ANXA10: variants seen among roughly 807,000 people sequenced by gnomAD.
ANXA10 encodes the protein annexin 14.
In ANXA10, 49 loss-of-function variants were observed where a neutral mutation model predicts 53.5. That is an observed-to-expected ratio of 0.92 (90% CI 0.73 to 1.16). The LOEUF (loss-of-function observed/expected upper bound fraction) is 1.16, where lower values mean the gene tolerates loss of function less well. ANXA10 is among the 50% of genes most tolerant of loss of function. The pLI, the probability that ANXA10 is intolerant of heterozygous loss-of-function variation, is 0.00. For synonymous variants in ANXA10, 131 were observed against 128.9 expected, an observed-to-expected ratio of 1.02 and a Z score of -0.11; for missense variants, 393 against 394.4, an observed-to-expected ratio of 1.00 and a Z score of 0.03.
chr4:168,106,424 A>C (rs2149465344), intron 1 of ANXA10, among the ~76,000 whole-genome samples: 1 of 152,260 alleles, frequency 6.6e-6, no homozygotes, highest in African/African-American at 2.4e-5. Flanking sequence ...ATTCTTGAAA[A>C]CAATATAGTG....
At chr4:168,184,525 C>T (rs1732325142) in intron 10 of ANXA10, 34 bp from the exon 11 acceptor site, 1 of 1,611,236 alleles carries the variant, frequency 6.2e-7, no homozygotes, top group Non-Finnish European at 8.5e-7. Context: ...AGGATGCTGT[C>T]TTCTCATTTC....
chr4:168,176,062 C>T (rs1732121659), intron 6 of ANXA10, among the ~76,000 whole-genome samples: 2 of 152,156 alleles, frequency 1.3e-5, no homozygotes, highest in South Asian at 4.1e-4. Context: ...CCATCCTCCT[C>T]CTTTCTTTCC....
intron 2 of ANXA10, 152 bp downstream of exon 2, chr4:168,128,317 TGAG>T (rs1191215246): frequency 1.9e-6 from 1 of 525,458 alleles, no homozygotes; most frequent in Non-Finnish European, 3.3e-6. Flanking sequence ...AGAAGTAGAA[TGAG>T]AAGAAAAATA....
intron 1 of ANXA10, among the ~76,000 whole-genome samples, chr4:168,116,532 A>C (rs1560961876): frequency 6.6e-6 from 1 of 152,172 alleles, no homozygotes; most frequent in African/African-American, 2.4e-5. Context: ...AGAATAACTA[A>C]ATAAAAGAAT....
intron 1 of ANXA10, among the ~76,000 whole-genome samples, chr4:168,097,801 C>T (rs1275040409): frequency 6.6e-6 from 1 of 152,210 alleles, no homozygotes; most frequent in Admixed American, 6.5e-5. Context: ...TTCATACTCA[C>T]TCTGCAATTA....
intron 9 of ANXA10, among the ~76,000 whole-genome samples, chr4:168,180,460 G>A (rs1346543308): frequency 1.3e-5 from 2 of 152,158 alleles, no homozygotes; most frequent in African/African-American, 2.4e-5. Context: ...AGGAAGTGGT[G>A]GACATTAGAA....
intron 6 of ANXA10, among the ~76,000 whole-genome samples, chr4:168,173,877 CT>C (rs1246192826): frequency 1.3e-5 from 2 of 151,794 alleles, no homozygotes; most frequent in Non-Finnish European, 2.9e-5. Context: ...TGAGTGGTGC[CT>C]TTTTTTTAGC....
chr4:168,156,693 C>T (rs546655731), intron 3 of ANXA10, among the ~76,000 whole-genome samples: 193 of 151,362 alleles, frequency 1.3e-3, no homozygotes, highest in African/African-American at 4.4e-3. Flanking sequence ...TTAGTAGAGA[C>T]GGGGTTTCAT....
intron 1 of ANXA10, among the ~76,000 whole-genome samples, chr4:168,113,923 T>A (rs1730849911): frequency 6.6e-6 from 1 of 152,218 alleles, no homozygotes; most frequent in Non-Finnish European, 1.5e-5. Flanking sequence ...GGTGGCATTT[T>A]ACCTTTTGCC....
At chr4:168,162,506 A>G (rs773975383) in intron 3 of ANXA10, 22 bp from the exon 4 acceptor site, 7 of 1,547,994 alleles carry the variant, frequency 4.5e-6, no homozygotes, top group Non-Finnish European at 6.2e-6. Context: ...TATAATAAAT[A>G]TATGTACTTT....
At chr4:168,132,940 T>C (rs1404926660) in intron 2 of ANXA10, among the ~76,000 whole-genome samples, 4 of 151,784 alleles carry the variant, frequency 2.6e-5, no homozygotes, top group Non-Finnish European at 5.9e-5. Flanking sequence ...CCCAAATCAA[T>C]ATGCACAGAT....
intron 3 of ANXA10, among the ~76,000 whole-genome samples, chr4:168,153,459 CAAAAA>C (rs200411170): frequency 5.4e-5 from 2 of 36,806 alleles, no homozygotes; most frequent in Admixed American, 2.1e-4. Flanking sequence ...AAAAACAAAA[CAAAAA>C]AAAAAACCAA....
At chr4:168,161,764 G>T (rs1406622264) in intron 3 of ANXA10, among the ~76,000 whole-genome samples, 2 of 152,066 alleles carry the variant, frequency 1.3e-5, no homozygotes, top group Admixed American at 1.3e-4. Context: ...AGCTCTCCTT[G>T]AAGAGGTCCT....
chr4:168,102,431 A>G (rs1033902833), intron 1 of ANXA10, among the ~76,000 whole-genome samples: 1 of 152,098 alleles, frequency 6.6e-6, no homozygotes, highest in African/African-American at 2.4e-5. Context: ...AACTCTGGCA[A>G]ATATTGCACT....
At chr4:168,120,167 A>C (rs1000071207) in intron 1 of ANXA10, among the ~76,000 whole-genome samples, 1 of 152,094 alleles carries the variant, frequency 6.6e-6, no homozygotes, top group African/African-American at 2.4e-5. Context: ...TTTTACTGGA[A>C]CATTGAAATA....
chr4:168,136,003 C>T (rs1278313515), intron 2 of ANXA10, among the ~76,000 whole-genome samples: 1 of 152,080 alleles, frequency 6.6e-6, no homozygotes. Context: ...AAAGGGGAAG[C>T]AGGCACATCC....
intron 3 of ANXA10, among the ~76,000 whole-genome samples, chr4:168,146,922 T>G (rs1249439350): frequency 3.3e-5 from 5 of 152,024 alleles, no homozygotes; most frequent in East Asian, 1.9e-4. Context: ...ATAATCATTC[T>G]TTTTTTGTTC....
At chr4:168,155,210 C>T (rs941933568) in intron 3 of ANXA10, among the ~76,000 whole-genome samples, 3 of 149,476 alleles carry the variant, frequency 2.0e-5, no homozygotes, top group Admixed American at 1.4e-4. Flanking sequence ...TTCCACGAAC[C>T]TTCATTTTAT....
At chr4:168,121,076 TA>T (rs1369420591) in intron 1 of ANXA10, among the ~76,000 whole-genome samples, 2 of 152,142 alleles carry the variant, frequency 1.3e-5, no homozygotes, top group Admixed American at 6.5e-5. Context: ...TAAAAATATT[TA>T]TTCTCCTAAT....
Sources: allele counts gnomAD v4.1 joint callset (sites outside exome capture counted in the v4.1 genomes callset), GRCh38; gene constraint gnomAD v4.1.1; transcripts MANE v1.5; gene names NCBI Gene and HGNC (gene_info 2026-07-23, HGNC 2026-07-21).